The following ERAP1 variants were observed in gnomAD, a reference collection of about 807,000 sequenced individuals.
ERAP1 encodes endoplasmic reticulum aminopeptidase 1.
A neutral mutation model predicts 103.7 loss-of-function variants in ERAP1; 86 were observed. The observed-to-expected ratio is 0.83, with a 90% CI of 0.70 to 0.99. The LOEUF (loss-of-function observed/expected upper bound fraction) is 0.99. Among genes scored for constraint, ERAP1 ranks in the 50% least tolerant of loss-of-function variants. ERAP1 has a pLI of 0.00. For synonymous variants in ERAP1, 398 were observed against 402.4 expected (o/e 0.99, Z 0.13); for missense variants, 1,009 against 1,128.4 (o/e 0.89, Z 1.52).
intron 10 of ERAP1, among the ~76,000 whole-genome samples, chr5:96,789,278 G>A (rs1277854387): frequency 6.6e-6 from 1 of 152,168 alleles, no homozygotes; most frequent in Non-Finnish European, 1.5e-5. Context: ...CCTGAGGTCA[G>A]GAGTTCAAGA....
At chr5:96,824,608 T>C in the ERAP1 span, among the ~76,000 whole-genome samples, 2 of 152,246 alleles carry the variant, frequency 1.3e-5, no homozygotes, top group African/African-American at 2.4e-5. Flanking sequence ...TCACACATGC[T>C]ATTCTCTCAG....
chr5:96,858,529 C>T, the ERAP1 span, among the ~76,000 whole-genome samples: 1,188 of 152,222 alleles, frequency 7.8e-3, 18 homozygotes, highest in African/African-American at 0.027. Flanking sequence ...TAATTGTGCC[C>T]GATAACCTTG....
intron 13 of ERAP1, chr5:96,785,537 C>T (rs150641806): frequency 7.6e-5 from 36 of 475,016 alleles, no homozygotes; most frequent in Admixed American, 6.3e-4. Context: ...TCTACACTTC[C>T]GCCTCAGTAT....
downstream of ERAP1, chr5:96,771,512 A>T: frequency 1.6e-6 from 1 of 618,174 alleles, no homozygotes; most frequent in Non-Finnish European, 2.8e-6. Flanking sequence ...CCAGATGAAG[A>T]AGAGAAACTG....
the ERAP1 span, among the ~76,000 whole-genome samples, chr5:96,875,646 A>G: frequency 4.6e-5 from 7 of 152,224 alleles, no homozygotes; most frequent in African/African-American, 7.2e-5. Flanking sequence ...ATAATGGAAG[A>G]AGGCTGGAAG....
the ERAP1 span, among the ~76,000 whole-genome samples, chr5:96,887,906 G>A: frequency 6.6e-6 from 1 of 152,034 alleles, no homozygotes; most frequent in Admixed American, 6.5e-5. Flanking sequence ...CTGGCAGATC[G>A]CCTGAGGTCA....
chr5:96,896,965 T>TAAGTCATATGTTGGGTAACGATAGATTG, the ERAP1 span: 2 of 987,682 alleles, frequency 2.0e-6, no homozygotes, highest in Non-Finnish European at 1.4e-6. Context: ...GTCAACCATA[T>TAAGTCATATGTTGGGTAACGATAGATTG]TTATTCTGCT....
intron 13 of ERAP1, chr5:96,785,479 C>T (rs11750283): frequency 0.12 from 48,342 of 387,786 alleles, 3,550 homozygotes; most frequent in Admixed American, 0.21. Flanking sequence ...GGGACCATGC[C>T]GCGGGGACAA....
chr5:96,805,361 A>ATTTT (rs1561295274), intron 1 of ERAP1, among the ~76,000 whole-genome samples: 159 of 149,100 alleles, frequency 1.1e-3, no homozygotes, highest in African/African-American at 3.6e-3. Flanking sequence ...TTTTTTTAAA[A>ATTTT]AAAAAAAAAA....
At chr5:96,919,178 G>A in the ERAP1 span, 1 of 152,214 alleles carries the variant, frequency 6.6e-6, no homozygotes, top group African/African-American at 2.4e-5. Context: ...TATCATGAAG[G>A]TCAATTATAA....
chr5:96,851,456 G>C, the ERAP1 span, among the ~76,000 whole-genome samples: 1 of 152,190 alleles, frequency 6.6e-6, no homozygotes, highest in Non-Finnish European at 1.5e-5. Flanking sequence ...TTAGGAGACA[G>C]ATCAGCATTT....
exon 20 of ERAP1, chr5:96,761,515 C>T (rs957775658): frequency 1.3e-5 from 2 of 152,102 alleles, no homozygotes; most frequent in Admixed American, 6.6e-5. Flanking sequence ...TGCTTTTCTC[C>T]ATCTTTTGGT....
At chr5:96,846,931 G>C in the ERAP1 span, among the ~76,000 whole-genome samples, 3 of 151,420 alleles carry the variant, frequency 2.0e-5, no homozygotes, top group African/African-American at 7.3e-5. Context: ...GAGTGTCCAG[G>C]AAAATGCCAT....
At chr5:96,909,451 C>G in the ERAP1 span, 2 of 730,736 alleles carry the variant, frequency 2.7e-6, no homozygotes, top group Admixed American at 2.7e-5. Context: ...AAGAGAAATA[C>G]GAAGATACAC....
chr5:96,913,538 C>A, the ERAP1 span: 1 of 1,483,792 alleles, frequency 6.7e-7, no homozygotes, highest in East Asian at 2.3e-5. Flanking sequence ...TCAAATGTTT[C>A]TCAAAGCATA....
At chr5:96,796,033 A>G (rs545620521) in intron 4 of ERAP1, among the ~76,000 whole-genome samples, 1 of 152,352 alleles carries the variant, frequency 6.6e-6, no homozygotes, top group Admixed American at 6.5e-5. Context: ...TGGCAAAGCA[A>G]TGGGCGGGTG....
At chr5:96,915,738 C>T in the ERAP1 span, 1 of 1,599,384 alleles carries the variant, frequency 6.3e-7, no homozygotes, top group Admixed American at 1.7e-5. Flanking sequence ...GGCACAACAG[C>T]TCACTTTTCT....
At chr5:96,799,177 T>C (rs1255634029) in intron 3 of ERAP1, among the ~76,000 whole-genome samples, 1 of 152,050 alleles carries the variant, frequency 6.6e-6, no homozygotes, top group Non-Finnish European at 1.5e-5. Flanking sequence ...AAAATTTCCA[T>C]TCTCGAGTTG....
rs747365891 is a variant in ERAP1, at chr5:96,793,503, T to A, written c.1085A>T (p.Asn362Ile). The change falls in exon 7 of 19, where the codon AAC (asparagine) becomes ATC (isoleucine). Residue 362 changes from asparagine (N) to isoleucine (I), a missense_variant. Physicochemically the swap from Asn to Ile is moderately radical, Grantham distance 149 (BLOSUM62 -3). Coordinates refer to ENST00000443439, the MANE Select transcript of ERAP1 (RefSeq NM_001040458.3). ...ATTCCACCATTCCATAGTGACCAGG[T>A]TCCCAAACCACTAAAAGCACAACAT... ...AHELAHQWFGNLVTMEWWNDL... is the reference protein window; with the variant it reads ...AHELAHQWFGILVTMEWWNDL... 3.1e-6 allele frequency: 5 copies of A among 1,613,350 alleles called. No homozygotes were observed. Among genetic ancestry groups the A allele is most frequent in the African/African-American group, 1.3e-5 (1 of 75,008 alleles).
Sources: allele counts gnomAD v4.1 joint callset (sites outside exome capture counted in the v4.1 genomes callset), GRCh38; gene constraint gnomAD v4.1.1; transcripts MANE v1.5; gene names NCBI Gene and HGNC (gene_info 2026-07-23, HGNC 2026-07-21).